Variants in SGCZ observed in about 807,000 individuals in gnomAD.
The protein encoded by SGCZ is sarcoglycan zeta.
SGCZ carries 40 observed loss-of-function variants against 41.3 expected under a neutral mutation model. The observed-to-expected ratio is 0.97, with a 90% CI of 0.75 to 1.26. SGCZ has a LOEUF of 1.26. Among genes scored for constraint, SGCZ ranks in the 50% most tolerant of loss-of-function variants. SGCZ has a pLI of 0.00. For synonymous variants in SGCZ, 206 were observed against 137.5 expected, an observed-to-expected ratio of 1.50 and a Z score of -3.49; for missense variants, 552 against 369.8, an observed-to-expected ratio of 1.49 and a Z score of -4.04.
chr8:14,796,154 T>G (rs1326213982), intron 1 of SGCZ, among the ~76,000 whole-genome samples: 1 of 152,252 alleles, frequency 6.6e-6, no homozygotes, highest in African/African-American at 2.4e-5. Context: ...TGGGTCTTTA[T>G]AATAGAAGGG....
At chr8:14,969,437 T>A (rs371484269) in intron 1 of SGCZ, among the ~76,000 whole-genome samples, 1 of 152,048 alleles carries the variant, frequency 6.6e-6, no homozygotes, top group Admixed American at 6.6e-5. Flanking sequence ...GACATATCTA[T>A]ACAACTACAG....
intron 2 of SGCZ, among the ~76,000 whole-genome samples, chr8:14,378,885 C>G (rs1431894863): frequency 1.3e-5 from 2 of 151,924 alleles, no homozygotes; most frequent in Non-Finnish European, 2.9e-5. Context: ...TATTAACAGA[C>G]CTAAAAAAAA....
rs184205849 is a variant in SGCZ at position 15,163,486 on chromosome 8, G to C, written c.39+74099C>G. On this transcript the variant is annotated intron_variant, in intron 1 of 7. Transcript: ENST00000382080. ...CTTCACTCATTTCCCTTCACTCCCT[G>C]TTTTGTTTTGTTATTGACTGTGTGG... is the stretch of plus-strand genomic sequence containing the variant. Among the ~76,000 whole-genome samples, 281 of 152,136 alleles carry C rather than the reference G, an allele frequency of 1.8e-3. 1 individual carries two copies. Among genetic ancestry groups the C allele is most frequent in the South Asian group, 0.012 (56 of 4,808 alleles).
intron 1 of SGCZ, among the ~76,000 whole-genome samples, chr8:15,006,758 T>A: frequency 6.6e-6 from 1 of 152,190 alleles, no homozygotes; most frequent in East Asian, 1.9e-4. Context: ...CCCATTGATA[T>A]ATTCATAGAT....
rs1009429507 is a variant in SGCZ, at chr8:14,605,170, C to A, written c.40-50244G>T. On this transcript the variant is annotated intron_variant, in intron 1 of 7. Coordinates refer to ENST00000382080, the MANE Select transcript of SGCZ (RefSeq NM_139167.4). ...TGCCTCGAAAAATGACTCCTTGAAA[C>A]GTAAAATTCAAAAGTAACAAGCAAA... 3.9e-5 allele frequency among the ~76,000 whole-genome samples: 6 copies of A among 152,026 alleles called. 1 individual carries two copies. Among genetic ancestry groups the A allele is most frequent in the East Asian group, 3.9e-4 (2 of 5,188 alleles).
chr8:14,289,783 T>C (rs905377159), intron 3 of SGCZ, among the ~76,000 whole-genome samples: 10 of 151,466 alleles, frequency 6.6e-5, no homozygotes, highest in Admixed American at 2.6e-4. Flanking sequence ...TATTAGTCCA[T>C]TTCCACCCTG....
intron 1 of SGCZ, among the ~76,000 whole-genome samples, chr8:14,763,388 C>T (rs1041176649): frequency 7.9e-5 from 12 of 152,132 alleles, no homozygotes; most frequent in African/African-American, 2.9e-4. Context: ...CACATCTGCT[C>T]ACTTACAAGC....
intron 1 of SGCZ, among the ~76,000 whole-genome samples, chr8:15,219,143 G>C (rs780432868): frequency 6.6e-6 from 1 of 152,040 alleles, no homozygotes; most frequent in Non-Finnish European, 1.5e-5. Flanking sequence ...CAAGATACTT[G>C]GCATATCATG....
chr8:14,595,418 C>CAA (rs1805378666), intron 1 of SGCZ, among the ~76,000 whole-genome samples: 1 of 151,624 alleles, frequency 6.6e-6, no homozygotes, highest in Admixed American at 6.6e-5. Flanking sequence ...CACACACACA[C>CAA]ACACACACAC....
At chr8:15,213,755 A>G (rs540164911) in intron 1 of SGCZ, among the ~76,000 whole-genome samples, 211 of 152,038 alleles carry the variant, frequency 1.4e-3, no homozygotes, top group Non-Finnish European at 2.0e-3. Flanking sequence ...TCTACTAGAT[A>G]TAATACTGTT....
At chr8:15,157,293 G>A (rs1261187092) in intron 1 of SGCZ, among the ~76,000 whole-genome samples, 2 of 151,992 alleles carry the variant, frequency 1.3e-5, no homozygotes, top group Non-Finnish European at 2.9e-5. Flanking sequence ...AGCACTTTGG[G>A]AGCCTGAGGC....
intron 1 of SGCZ, among the ~76,000 whole-genome samples, chr8:14,938,770 T>G (rs1800167471): frequency 6.6e-6 from 1 of 152,114 alleles, no homozygotes; most frequent in Non-Finnish European, 1.5e-5. Context: ...AAATACCGTG[T>G]GTTCCCACTT....
chr8:14,551,101 A>G (rs1182567303), intron 2 of SGCZ, among the ~76,000 whole-genome samples: 1 of 146,934 alleles, frequency 6.8e-6, no homozygotes, highest in African/African-American at 2.5e-5. Flanking sequence ...AATAAATATT[A>G]TTTATATTGT....
At chr8:14,915,764 T>C (rs1385981095) in intron 1 of SGCZ, among the ~76,000 whole-genome samples, 3 of 152,124 alleles carry the variant, frequency 2.0e-5, no homozygotes, top group African/African-American at 4.8e-5. Flanking sequence ...CCCTGCTTTT[T>C]TGGAGGTGTC....
chr8:15,045,409 T>G (rs543726614), intron 1 of SGCZ, among the ~76,000 whole-genome samples: 6 of 152,194 alleles, frequency 3.9e-5, no homozygotes, highest in African/African-American at 1.4e-4. Context: ...GGCAAATGGA[T>G]ATGACTCCAC....
At chr8:14,993,875 C>T (rs1401425261) in intron 1 of SGCZ, among the ~76,000 whole-genome samples, 2 of 152,148 alleles carry the variant, frequency 1.3e-5, no homozygotes, top group Non-Finnish European at 2.9e-5. Context: ...TCAGAGAGCA[C>T]TTTGAATAAA....
intron 4 of SGCZ, among the ~76,000 whole-genome samples, chr8:14,192,043 C>T (rs946656103): frequency 2.0e-5 from 3 of 152,008 alleles, no homozygotes; most frequent in Non-Finnish European, 4.4e-5. Flanking sequence ...ATACAAAATT[C>T]TTATGACCTG....
intron 1 of SGCZ, among the ~76,000 whole-genome samples, chr8:14,567,653 T>A (rs774900306): frequency 3.3e-5 from 5 of 152,108 alleles, no homozygotes; most frequent in Non-Finnish European, 7.4e-5. Flanking sequence ...GTGGAGGGTT[T>A]GTTCTTTCGC....
At chr8:14,107,022 C>T (rs1342979489) in intron 6 of SGCZ, among the ~76,000 whole-genome samples, 2 of 151,976 alleles carry the variant, frequency 1.3e-5, no homozygotes, top group South Asian at 2.1e-4. Flanking sequence ...AGAGACTATC[C>T]GGAGCAACAT....
Sources: allele counts gnomAD v4.1 joint callset (sites outside exome capture counted in the v4.1 genomes callset), GRCh38; gene constraint gnomAD v4.1.1; transcripts MANE v1.5; gene names NCBI Gene and HGNC (gene_info 2026-07-23, HGNC 2026-07-21).